Variants in RNF8 observed in about 807,000 individuals in gnomAD.
RNF8 encodes the protein ring finger protein 8.
In RNF8, 8 loss-of-function variants were observed where a neutral mutation model predicts 59.3. The ratio of observed to expected loss-of-function variants is 0.13; its 90% CI spans 0.08 to 0.24. The LOEUF (loss-of-function observed/expected upper bound fraction) is 0.24, where lower values mean the gene tolerates loss of function less well. Among genes scored for constraint, RNF8 ranks in the 10% least tolerant of loss-of-function variants. The pLI is 1.00. For synonymous variants in RNF8, 162 were observed against 200.0 expected, an observed-to-expected ratio of 0.81 and a Z score of 1.60; for missense variants, 406 against 572.6, an observed-to-expected ratio of 0.71 and a Z score of 2.97.
At position 37,392,385 on chromosome 6, in the gene RNF8, C is replaced by T. The variant is rs2113838649; in HGVS notation, c.*1627C>T. ...ACTTTTTGAGTAGGCAATATGTTCA[C>T]ATAGTTTGAAATTAAAGGTACAAAA... On this transcript the variant is annotated 3_prime_UTR_variant, in exon 8 of 8. Coordinates refer to ENST00000373479, the MANE Select transcript of RNF8 (RefSeq NM_003958.4). 2.5e-6 allele frequency: 1 copy of T among 398,470 alleles called. No homozygotes were observed. The highest frequency in any genetic ancestry group is 2.1e-5 in the African/African-American group (1 of 48,736). 24.7% of individuals were successfully genotyped at this position (398,470 alleles called of 1,614,324 possible).
At position 37,374,658 on chromosome 6, in the gene RNF8, G is replaced by T. The variant is rs374688693; in HGVS notation, c.1077G>T (p.Lys359Asn). ...TGGAAGAGCTAAATCGCAGCAAGAA[G>T]GACTTTGAAGCAATCATTCAAGCCA... ...ALMEELNRSKKDFEAIIQAKN... is the reference protein window; with the variant it reads ...ALMEELNRSKNDFEAIIQAKN... Residue 359 changes from lysine to asparagine, a missense_variant, in exon 5 of 8, where the codon AAG becomes AAT. Transcript: ENST00000373479. 14 of 1,613,984 alleles carry T rather than the reference G, an allele frequency of 8.7e-6. No individual in the cohort carries two copies. In the South Asian group the frequency reaches 1.2e-4, roughly 14 times the overall value.
intron 1 of RNF8, among the ~76,000 whole-genome samples, chr6:37,355,375 GTA>G (rs1769074260): frequency 6.6e-6 from 1 of 152,162 alleles, no homozygotes; most frequent in Non-Finnish European, 1.5e-5. Context: ...CCTATAAGCC[GTA>G]CTGCCTCAAT....
At chr6:37,390,593 CAG>C (rs1770688943) in intron 7 of RNF8, 147 bp from the exon 8 acceptor site, 3 of 609,842 alleles carry the variant, frequency 4.9e-6, no homozygotes, top group East Asian at 5.6e-5. Context: ...GGGCTTTGAG[CAG>C]AGAGTGACAT....
intron 1 of RNF8, among the ~76,000 whole-genome samples, chr6:37,358,980 C>G (rs1460819262): frequency 6.6e-6 from 1 of 151,930 alleles, no homozygotes; most frequent in Admixed American, 6.6e-5. Context: ...GCCTGTAATC[C>G]CAGCTACGTG....
chr6:37,354,416 G>A (rs113656680), intron 1 of RNF8, 141 bp downstream of exon 1: 16 of 693,848 alleles, frequency 2.3e-5, no homozygotes, highest in African/African-American at 3.7e-5. Context: ...GTGTCTGTGG[G>A]GGGGGTGGAT....
intron 7 of RNF8, among the ~76,000 whole-genome samples, chr6:37,389,733 G>A (rs1348056318): frequency 6.6e-6 from 1 of 152,128 alleles, no homozygotes; most frequent in Non-Finnish European, 1.5e-5. Context: ...TGCTTGAGGG[G>A]TGTCCAGAGA....
At chr6:37,378,242 C>T (rs1258152324) in intron 6 of RNF8, among the ~76,000 whole-genome samples, 6 of 151,324 alleles carry the variant, frequency 4.0e-5, no homozygotes, top group Admixed American at 2.0e-4. Context: ...TACAGTGAGT[C>T]GAGATCACGC....
At chr6:37,389,251 A>G (rs1256211546) in intron 7 of RNF8, among the ~76,000 whole-genome samples, 1 of 151,898 alleles carries the variant, frequency 6.6e-6, no homozygotes, top group Non-Finnish European at 1.5e-5. Flanking sequence ...TAAACAAGAT[A>G]AGGATGAAAA....
At chr6:37,366,930 C>T (rs1045265092) in intron 2 of RNF8, among the ~76,000 whole-genome samples, 1 of 152,224 alleles carries the variant, frequency 6.6e-6, no homozygotes, top group Admixed American at 6.5e-5. Flanking sequence ...ATCCCAGCTG[C>T]ACATGATATT....
At position 37,394,192 on chromosome 6, in the gene RNF8, A is replaced by G. The variant is rs1484715431; in HGVS notation, c.*3434A>G. ...CTTGCTCTGAGATACAGACTTGTTCATAGGTGTGGGGCCTGATTGGAACAG... is the reference window on the plus strand; with the variant it reads ...CTTGCTCTGAGATACAGACTTGTTCGTAGGTGTGGGGCCTGATTGGAACAG... On this transcript the variant is annotated 3_prime_UTR_variant, in exon 8 of 8. Transcript: ENST00000373479. The G allele has an allele frequency of 6.6e-6, 1 of 152,216 alleles. No homozygotes were observed. Among genetic ancestry groups the G allele is most frequent in the Non-Finnish European group, 1.5e-5 (1 of 68,054 alleles). 9.4% of individuals were successfully genotyped at this position (152,216 alleles called of 1,614,324 possible).
Position 37,374,656 on chromosome 6 carries a change from A to G in RNF8, c.1075A>G (p.Lys359Glu). ...AATGGAAGAGCTAAATCGCAGCAAG[A>G]AGGACTTTGAAGCAATCATTCAAGC... is the stretch of plus-strand genomic sequence containing the variant. ...ALMEELNRSK[K>E]DFEAIIQAKN... The change falls in exon 5 of 8, where the codon AAG (lysine) becomes GAG (glutamate). Residue 359 changes from lysine (K) to glutamate (E), a missense_variant. By Grantham distance (56) the Lys-to-Glu change is moderately conservative. Transcript: ENST00000373479. 6.2e-7 allele frequency: 1 copy of G among 1,614,158 alleles called. No individual in the cohort carries two copies. The highest frequency in any genetic ancestry group is 8.5e-7 in the Non-Finnish European group (1 of 1,180,006).
intron 6 of RNF8, among the ~76,000 whole-genome samples, chr6:37,378,736 G>T (rs1050391951): frequency 6.6e-6 from 1 of 151,736 alleles, no homozygotes; most frequent in East Asian, 1.9e-4. Context: ...CTCTGGGTCC[G>T]TTTGGACTTC....
chr6:37,383,167 A>C (rs1770350506), intron 7 of RNF8, among the ~76,000 whole-genome samples: 2 of 152,208 alleles, frequency 1.3e-5, no homozygotes, highest in East Asian at 3.8e-4. Flanking sequence ...TCCCTGTTAC[A>C]TGCATTGGCT....
At position 37,371,592 on chromosome 6, in the gene RNF8, C is replaced by G. The variant is rs760390915; in HGVS notation, c.1038+18C>G. ...TGCAGGAGGTAACTTTGCCATAGTA[C>G]TAAGATTATAGTGGGCTGTGGAGTG... On this transcript the variant is annotated intron_variant, in intron 4 of 7. Transcript: ENST00000373479. 18 of 1,608,238 alleles carry G rather than the reference C, an allele frequency of 1.1e-5. No homozygotes were observed. The South Asian group carries it at 2.0e-4, about 18-fold the overall frequency.
chr6:37,375,550 C>A (rs1769979041), intron 5 of RNF8, among the ~76,000 whole-genome samples: 1 of 152,174 alleles, frequency 6.6e-6, no homozygotes, highest in African/African-American at 2.4e-5. Context: ...ATGTACCAAC[C>A]TAGAACTGAA....
rs529908053 is a variant in RNF8, at chr6:37,390,944, T to C, written c.*186T>C. 2.2e-6 allele frequency: 2 copies of C among 897,468 alleles called. No individual in the cohort carries two copies. The highest frequency in any genetic ancestry group is 2.5e-5 in the East Asian group (1 of 40,550). 55.6% of individuals were successfully genotyped at this position (897,468 alleles called of 1,614,324 possible). Reference sequence around the variant, plus strand: ...CGGTGGCCAGCCCTGCTGCCATCATTGGCTGAAGCACCACCAGGATTCACG... The same window carrying C: ...CGGTGGCCAGCCCTGCTGCCATCATCGGCTGAAGCACCACCAGGATTCACG... On this transcript the variant is annotated 3_prime_UTR_variant, in exon 8 of 8. Coordinates refer to ENST00000373479, the MANE Select transcript of RNF8 (RefSeq NM_003958.4).
At chr6:37,371,224 G>A (rs1769788427) in intron 3 of RNF8, among the ~76,000 whole-genome samples, 2 of 152,144 alleles carry the variant, frequency 1.3e-5, no homozygotes, top group Admixed American at 1.3e-4. Flanking sequence ...GGGAATCATG[G>A]CGTTAGTCCA....
intron 5 of RNF8, among the ~76,000 whole-genome samples, chr6:37,375,831 T>C (rs1445661147): frequency 6.6e-6 from 1 of 152,222 alleles, no homozygotes; most frequent in Admixed American, 6.5e-5. Context: ...CCTCAGGGGC[T>C]CTTAATGCTT....
At chr6:37,388,928 A>C (rs1340809783) in intron 7 of RNF8, among the ~76,000 whole-genome samples, 1 of 150,370 alleles carries the variant, frequency 6.7e-6, no homozygotes, top group Admixed American at 6.6e-5. Flanking sequence ...GCCAGACCCT[A>C]TCTCTTTAAA....
Sources: allele counts gnomAD v4.1 joint callset (sites outside exome capture counted in the v4.1 genomes callset), GRCh38; gene constraint gnomAD v4.1.1; transcripts MANE v1.5; gene names NCBI Gene and HGNC (gene_info 2026-07-23, HGNC 2026-07-21).